ITGBL1: variants seen among roughly 807,000 people sequenced by gnomAD.
ITGBL1 encodes the protein integrin subunit beta like 1, also known as integrin beta-like protein 1.
Under a neutral mutation model 68.5 loss-of-function variants are expected in ITGBL1, and 51 were observed. That is an observed-to-expected ratio of 0.74 (90% CI 0.59 to 0.94). ITGBL1 has a LOEUF of 0.94. Among genes scored for constraint, ITGBL1 ranks in the 40% least tolerant of loss-of-function variants. ITGBL1 has a pLI of 0.00. For missense variants in ITGBL1, 649 were observed against 647.4 expected (o/e 1.00, Z -0.03); for synonymous variants, 209 against 227.3 (o/e 0.92, Z 0.72).
At chr13:101,604,887 T>TATATGTGTATATATATATACACACAC in intron 7 of ITGBL1, among the ~76,000 whole-genome samples, 1 of 22,164 alleles carries the variant, frequency 4.5e-5, no homozygotes, top group African/African-American at 1.5e-4. Context: ...TATATATATA[T>TATATGTGTATATATATATACACACAC]ACACACACAC....
chr13:101,718,557 G>C (rs1025172894), downstream of ITGBL1: 4 of 136,862 alleles, frequency 2.9e-5, no homozygotes, highest in African/African-American at 1.1e-4. Flanking sequence ...AACGCTGCTT[G>C]TTTGGCAAAT....
chr13:101,480,321 G>A (rs1306595200), intron 2 of ITGBL1, among the ~76,000 whole-genome samples: 9 of 151,932 alleles, frequency 5.9e-5, no homozygotes, highest in Admixed American at 5.9e-4. Flanking sequence ...TAGAGGCTGG[G>A]AAGGGCAGTG....
chr13:101,604,887 T>TACATACACATACATACACAC lies in ITGBL1; in HGVS notation c.1015+6591_1015+6592insTACACATACATACACACACA, dbSNP rs1555361672. On this transcript the variant is annotated intron_variant, in intron 7 of 10. Transcript: ENST00000376180. The stretch of plus-strand genomic sequence containing the variant: ...ATATATATATATATATATATATATA[T>TACATACACATACATACACAC]ACACACACACACACATATATATGTG... 5.0e-4 allele frequency among the ~76,000 whole-genome samples: 11 copies of TACATACACATACATACACAC among 22,164 alleles called. 2 individuals carry two copies. The highest frequency in any genetic ancestry group is 1.2e-3 in the African/African-American group (8 of 6,634). 14.5% of individuals were successfully genotyped at this position (22,164 alleles called of 152,430 possible). A position where few individuals can be genotyped will look rare whatever the true frequency, so the allele number is the denominator to read the frequency against.
intron 7 of ITGBL1, among the ~76,000 whole-genome samples, chr13:101,681,438 CT>C (rs1388891593): frequency 6.6e-6 from 1 of 152,128 alleles, no homozygotes; most frequent in Non-Finnish European, 1.5e-5. Context: ...AAAAATGTTA[CT>C]GGTGGTCATG....
At chr13:101,546,547 G>C (rs2049827862) in intron 2 of ITGBL1, among the ~76,000 whole-genome samples, 2 of 152,222 alleles carry the variant, frequency 1.3e-5, no homozygotes, top group African/African-American at 4.8e-5. Context: ...TTAAGTCTTT[G>C]TATAGTCTTC....
intron 9 of ITGBL1, chr13:101,712,107 G>A (rs539976384): frequency 6.6e-6 from 1 of 152,234 alleles, no homozygotes; most frequent in East Asian, 1.9e-4. Context: ...TGCTATAATA[G>A]GTCCTAATAA....
Position 101,529,034 on chromosome 13 carries a change from A to G in ITGBL1, c.317-38665A>G, listed in dbSNP as rs185449352. 3.0e-3 allele frequency among the ~76,000 whole-genome samples: 462 copies of G among 152,180 alleles called. 2 individuals are homozygous for G. The highest frequency in any genetic ancestry group is 0.011 in the African/African-American group (437 of 41,570). Reference sequence around the variant, plus strand: ...AAACTCAAAAATTAGGCACTATACCATAGGGAAAAATAGAAATGAAAGAAA... The same window carrying G: ...AAACTCAAAAATTAGGCACTATACCGTAGGGAAAAATAGAAATGAAAGAAA... On this transcript the variant is annotated intron_variant, in intron 2 of 10. Coordinates refer to ENST00000376180, the MANE Select transcript of ITGBL1 (RefSeq NM_004791.3).
At chr13:101,665,994 T>C (rs928878196) in intron 7 of ITGBL1, among the ~76,000 whole-genome samples, 1 of 152,306 alleles carries the variant, frequency 6.6e-6, no homozygotes, top group Admixed American at 6.5e-5. Flanking sequence ...ATAACTTATA[T>C]AACCTCCTCA....
intron 2 of ITGBL1, among the ~76,000 whole-genome samples, chr13:101,553,810 C>T (rs978997138): frequency 7.9e-5 from 12 of 152,064 alleles, no homozygotes; most frequent in Admixed American, 7.9e-4. Flanking sequence ...GAGTTTCTCT[C>T]ATTGCCCAGG....
chr13:101,683,685 C>T (rs956874894), intron 7 of ITGBL1, among the ~76,000 whole-genome samples: 11 of 151,818 alleles, frequency 7.2e-5, no homozygotes, highest in Admixed American at 2.0e-4. Context: ...ATATTCTCAC[C>T]CTCTGCAAAA....
At chr13:101,672,958 G>A (rs912402691) in intron 7 of ITGBL1, among the ~76,000 whole-genome samples, 1 of 152,060 alleles carries the variant, frequency 6.6e-6, no homozygotes, top group Non-Finnish European at 1.5e-5. Flanking sequence ...CTAAACCCGC[G>A]TAGAATGAAG....
chr13:101,474,578 G>T (rs1242787256), intron 2 of ITGBL1, among the ~76,000 whole-genome samples: 1 of 152,156 alleles, frequency 6.6e-6, no homozygotes, highest in Non-Finnish European at 1.5e-5. Flanking sequence ...AACAAAATTG[G>T]CAGTAGCCAG....
At chr13:101,548,755 TTAA>T (rs2049870350) in intron 2 of ITGBL1, among the ~76,000 whole-genome samples, 1 of 151,670 alleles carries the variant, frequency 6.6e-6, no homozygotes, top group Non-Finnish European at 1.5e-5. Context: ...ATTATTAGAA[TTAA>T]TAAGAGAATA....
Position 101,501,473 on chromosome 13 carries a change from C to T in ITGBL1, c.316+47373C>T, listed in dbSNP as rs148915916. Among the ~76,000 whole-genome samples, 819 of 152,258 alleles carry T rather than the reference C, an allele frequency of 5.4e-3. 7 individuals carry two copies. The highest frequency in any genetic ancestry group is 0.018 in the South Asian group (86 of 4,818). On this transcript the variant is annotated intron_variant, in intron 2 of 10. Transcript: ENST00000376180. ...ATTTCCAGGCAAAACCAAGGAAGAG[C>T]TTTCCTTTCGAGAATGCAGCTGACA...
At chr13:101,681,052 T>C (rs757251383) in intron 7 of ITGBL1, among the ~76,000 whole-genome samples, 4 of 152,184 alleles carry the variant, frequency 2.6e-5, no homozygotes, top group South Asian at 2.1e-4. Flanking sequence ...CTTCTTTCTT[T>C]TGTATCTCAA....
At chr13:101,678,200 G>T (rs533891035) in intron 7 of ITGBL1, among the ~76,000 whole-genome samples, 3 of 152,288 alleles carry the variant, frequency 2.0e-5, no homozygotes, top group African/African-American at 7.2e-5. Flanking sequence ...TCTCACATAT[G>T]TGTAAACTCG....
intron 7 of ITGBL1, among the ~76,000 whole-genome samples, chr13:101,680,692 G>A (rs1380255191): frequency 1.3e-5 from 2 of 152,066 alleles, no homozygotes; most frequent in Non-Finnish European, 2.9e-5. Flanking sequence ...GCCCTGTACT[G>A]TGTAGTTTGT....
At chr13:101,481,079 T>C (rs200686593) in intron 2 of ITGBL1, among the ~76,000 whole-genome samples, 13 of 46,628 alleles carry the variant, frequency 2.8e-4, no homozygotes, top group African/African-American at 5.9e-4. Flanking sequence ...TACATATATA[T>C]ACACACATAT....
intron 8 of ITGBL1, among the ~76,000 whole-genome samples, chr13:101,700,921 G>T (rs1246364629): frequency 6.6e-6 from 1 of 151,850 alleles, no homozygotes; most frequent in Admixed American, 6.6e-5. Flanking sequence ...TTTTCTTTTT[G>T]TCTTCTATTA....
Sources: gnomAD v4.1 joint callset for allele counts (sites outside exome capture counted in the v4.1 genomes callset) on GRCh38, gnomAD v4.1.1 for gene constraint, MANE v1.5 for transcripts, NCBI Gene and HGNC (gene_info 2026-07-23, HGNC 2026-07-21) for gene names.